NPAS3: variants seen among roughly 807,000 people sequenced by gnomAD.
NPAS3 encodes the protein neuronal PAS domain protein 3.
NPAS3 carries 14 observed loss-of-function variants against 73.1 expected under a neutral mutation model. The ratio of observed to expected loss-of-function variants is 0.19; its 90% CI spans 0.13 to 0.30. NPAS3 has a LOEUF of 0.30. Ranked by LOEUF, NPAS3 falls within the 10% of genes least tolerant of loss-of-function variation. NPAS3 has a pLI of 1.00. For missense variants in NPAS3, 1,096 were observed against 1,250.0 expected (o/e 0.88, Z 1.86); for synonymous variants, 620 against 541.5 (o/e 1.14, Z -2.01).
chr14:33,022,683 A>T (rs923166633), intron 1 of NPAS3, among the ~76,000 whole-genome samples: 1 of 151,856 alleles, frequency 6.6e-6, no homozygotes, highest in Admixed American at 6.6e-5. Context: ...AAAAAAAAAA[A>T]AAAAAGTTAC....
At chr14:33,441,695 C>G (rs542125554) in intron 4 of NPAS3, among the ~76,000 whole-genome samples, 1 of 152,196 alleles carries the variant, frequency 6.6e-6, no homozygotes, top group South Asian at 2.1e-4. Flanking sequence ...AAGACATATC[C>G]GAGACTGGAT....
intron 2 of NPAS3, among the ~76,000 whole-genome samples, chr14:33,161,485 A>G (rs2044880850): frequency 6.6e-6 from 1 of 152,226 alleles, no homozygotes; most frequent in African/African-American, 2.4e-5. Context: ...CTTCTAATCA[A>G]CAAAAGCTAT....
intron 1 of NPAS3, among the ~76,000 whole-genome samples, chr14:33,039,953 A>T (rs1245611776): frequency 6.6e-6 from 1 of 152,020 alleles, no homozygotes; most frequent in East Asian, 1.9e-4. Flanking sequence ...CTATTTAATT[A>T]TTTTTTTCCA....
At chr14:33,745,010 G>A (rs1311079315) in intron 7 of NPAS3, among the ~76,000 whole-genome samples, 1 of 152,080 alleles carries the variant, frequency 6.6e-6, no homozygotes, top group Non-Finnish European at 1.5e-5. Context: ...GGAGGCTGAG[G>A]CAAGAGGATT....
At chr14:33,535,103 C>G (rs1406001926) in intron 4 of NPAS3, among the ~76,000 whole-genome samples, 3 of 152,136 alleles carry the variant, frequency 2.0e-5, no homozygotes, top group African/African-American at 4.8e-5. Context: ...GCTGTTTGAG[C>G]CTTTATCATA....
intron 5 of NPAS3, among the ~76,000 whole-genome samples, chr14:33,573,671 G>A (rs2056321378): frequency 6.6e-6 from 1 of 152,216 alleles, no homozygotes. Flanking sequence ...AATTTGGAAA[G>A]GGTGTCAGAG....
chr14:33,542,817 A>G (rs2054583783), intron 4 of NPAS3, among the ~76,000 whole-genome samples: 2 of 152,234 alleles, frequency 1.3e-5, no homozygotes, highest in African/African-American at 4.8e-5. Flanking sequence ...GCAGGGCCAC[A>G]GAGAGCAAGA....
chr14:33,622,841 C>T (rs779106004), intron 5 of NPAS3, among the ~76,000 whole-genome samples: 2 of 151,838 alleles, frequency 1.3e-5, no homozygotes, highest in Non-Finnish European at 2.9e-5. Context: ...ATTTTTTTTC[C>T]CAATCAGTCA....
chr14:33,790,625 G>A (rs1332193919), intron 9 of NPAS3, among the ~76,000 whole-genome samples: 4 of 151,900 alleles, frequency 2.6e-5, no homozygotes, highest in Non-Finnish European at 4.4e-5. Flanking sequence ...CCAAGCAAAA[G>A]GTATTTCTTT....
chr14:33,565,958 C>G (rs1328477941), intron 5 of NPAS3, among the ~76,000 whole-genome samples: 2 of 151,946 alleles, frequency 1.3e-5, no homozygotes, highest in Non-Finnish European at 2.9e-5. Context: ...GCCACCCCAA[C>G]CAGCAAGTCT....
chr14:33,462,383 C>T (rs928017425), intron 4 of NPAS3, among the ~76,000 whole-genome samples: 1 of 152,116 alleles, frequency 6.6e-6, no homozygotes, highest in Non-Finnish European at 1.5e-5. Context: ...CCTTTGAGGT[C>T]GGGTGGGACC....
intron 2 of NPAS3, among the ~76,000 whole-genome samples, chr14:33,177,690 G>A (rs1462883336): frequency 2.0e-5 from 3 of 152,104 alleles, no homozygotes; most frequent in African/African-American, 4.8e-5. Flanking sequence ...TTGCTATGAC[G>A]TAGAGGTCCA....
At chr14:33,642,708 A>AT (rs1567080801) in intron 5 of NPAS3, among the ~76,000 whole-genome samples, 4 of 152,072 alleles carry the variant, frequency 2.6e-5, no homozygotes. Flanking sequence ...GTGTGCACCT[A>AT]TTTTTTTAAT....
intron 2 of NPAS3, among the ~76,000 whole-genome samples, chr14:33,174,426 A>G (rs2045512212): frequency 6.6e-6 from 1 of 152,372 alleles, no homozygotes; most frequent in African/African-American, 2.4e-5. Context: ...TCCTGGAATG[A>G]TTTTGAAAAT....
rs977467792 is a variant in NPAS3 at position 33,536,458 on chromosome 14, G to T, written c.469-23663G>T. On this transcript the variant is annotated intron_variant, in intron 4 of 11. Transcript: ENST00000356141. Reference sequence around the variant, plus strand: ...TTGTATTTTTTCCCAATGAAATGCAGAGATAGAAAAATATTATCATGATTT... The same window carrying T: ...TTGTATTTTTTCCCAATGAAATGCATAGATAGAAAAATATTATCATGATTT... Among the ~76,000 whole-genome samples the T allele has an allele frequency of 2.6e-5, 4 of 152,126 alleles. No individual in the cohort carries two copies. In the East Asian group the frequency reaches 7.7e-4, roughly 29 times the overall value.
chr14:33,307,673 T>C (rs77657883), intron 3 of NPAS3, among the ~76,000 whole-genome samples: 6,095 of 151,384 alleles, frequency 0.04, 142 homozygotes, highest in Non-Finnish European at 0.061. Context: ...TAGTTCTCCA[T>C]TCCAACAATC....
chr14:33,417,062 T>G (rs962844004), intron 4 of NPAS3, among the ~76,000 whole-genome samples: 9 of 152,054 alleles, frequency 5.9e-5, no homozygotes, highest in Non-Finnish European at 1.5e-5. Flanking sequence ...TACTTGATAC[T>G]TTCAGGAAAG....
At chr14:33,647,408 C>T (rs890772812) in intron 5 of NPAS3, among the ~76,000 whole-genome samples, 1 of 151,962 alleles carries the variant, frequency 6.6e-6, no homozygotes, top group African/African-American at 2.4e-5. Flanking sequence ...CACTTGATCA[C>T]TCTTTGATAT....
intron 2 of NPAS3, among the ~76,000 whole-genome samples, chr14:33,095,183 G>A (rs936610631): frequency 1.3e-5 from 2 of 152,164 alleles, no homozygotes; most frequent in South Asian, 2.1e-4. Context: ...GAGGCTGTGC[G>A]GTGTGTTCTT....
Sources: gnomAD v4.1 joint callset for allele counts (sites outside exome capture counted in the v4.1 genomes callset) on GRCh38, gnomAD v4.1.1 for gene constraint, MANE v1.5 for transcripts, NCBI Gene and HGNC (gene_info 2026-07-23, HGNC 2026-07-21) for gene names.